CUL9: variants seen among roughly 807,000 people sequenced by gnomAD.
CUL9 encodes the protein cullin 9.
Under a neutral mutation model 272.6 loss-of-function variants are expected in CUL9, and 79 were observed. The ratio of observed to expected loss-of-function variants is 0.29; its 90% CI spans 0.24 to 0.35. The LOEUF (loss-of-function observed/expected upper bound fraction) is 0.35. CUL9 is among the 10% of genes least tolerant of loss of function. The pLI, the probability that CUL9 is intolerant of heterozygous loss-of-function variation, is 1.00. For missense variants in CUL9, 2,532 were observed against 3,255.6 expected, an observed-to-expected ratio of 0.78 and a Z score of 5.41; for synonymous variants, 1,186 against 1,286.5, an observed-to-expected ratio of 0.92 and a Z score of 1.67.
chr6:43,186,570 T>TGA, intron 4 of CUL9, 115 bp downstream of exon 4: 5 of 1,409,204 alleles, frequency 3.5e-6, no homozygotes, highest in Non-Finnish European at 3.8e-6. Context: ...CCTGGGGAAT[T>TGA]GGAATGATAC....
At position 43,200,281 on chromosome 6, in the gene CUL9, T is replaced by A; in HGVS notation, c.3384+125T>A. The A allele has an allele frequency of 2.7e-6, 4 of 1,469,424 alleles. No individual in the cohort carries two copies. The East Asian group carries it at 7.1e-5, about 26-fold the overall frequency. The allele number at this position is 1,469,424 out of a possible 1,614,324, so 91.0% of individuals were successfully genotyped here. A position where few individuals can be genotyped will look rare whatever the true frequency, so the allele number is the denominator to read the frequency against. On this transcript the variant is annotated intron_variant, in intron 14 of 40. Transcript: ENST00000252050. The surrounding 1 kb of genome is among the most constrained non-coding windows in gnomAD (Gnocchi z 4.0). The stretch of plus-strand genomic sequence containing the variant: ...TTGTAGCAAATCTGGGGCACTTGTT[T>A]CCTAACCTTGACTCCACATGGTTCT...
chr6:43,223,438 G>T lies in CUL9; in HGVS notation c.7284+41G>T. On this transcript the variant is annotated intron_variant, in intron 39 of 40. Coordinates refer to ENST00000252050, the MANE Select transcript of CUL9 (RefSeq NM_015089.4). This position sits in a 1 kb window ranked among gnomAD's most constrained non-coding sequence, Gnocchi z 4.1. ...GACCCCTTCTGCTCCTGCATTCTGC[G>T]GGAGTTGAGGTCCTCCTGTCCCAGC... 6.5e-7 allele frequency: 1 copy of T among 1,548,466 alleles called. No individual in the cohort carries two copies.
At position 43,200,096 on chromosome 6, in the gene CUL9, T is replaced by C; in HGVS notation, c.3324T>C (p.Cys1108=). ...GCELRDLVTE[C]EKYAQLYSNL... Reference sequence around the variant, plus strand: ...AGCTTCGGGACCTGGTGACAGAGTGTGAGAAGTACGCACAGCTCTATAGCA... The same window carrying C: ...AGCTTCGGGACCTGGTGACAGAGTGCGAGAAGTACGCACAGCTCTATAGCA... The change falls in exon 14 of 41, where the codon TGT becomes TGC. Residue 1108 remains cysteine (C), a synonymous_variant. Transcript: ENST00000252050. The surrounding 1 kb of genome is among the most constrained non-coding windows in gnomAD (Gnocchi z 4.0). 2 of 1,614,148 alleles carry C rather than the reference T, an allele frequency of 1.2e-6. No individual in the cohort carries two copies. The highest frequency in any genetic ancestry group is 1.7e-6 in the Non-Finnish European group (2 of 1,180,018).
chr6:43,213,254 C>T lies in CUL9; in HGVS notation c.5318C>T (p.Thr1773Ile). Reference protein sequence around the residue: ...QFGKQILHVSTVQMWLLLKFN... With the variant: ...QFGKQILHVSIVQMWLLLKFN... ...GGGAAGCAGATACTGCATGTGTCCA[C>T]CGTGCAGATGTGGCTGCTGCTGAAA... is the stretch of plus-strand genomic sequence containing the variant. The change falls in exon 27 of 41, where the codon ACC becomes ATC. Residue 1773 changes from threonine to isoleucine, a missense_variant. Coordinates refer to ENST00000252050, the MANE Select transcript of CUL9 (RefSeq NM_015089.4). The surrounding 1 kb of genome is among the most constrained non-coding windows in gnomAD (Gnocchi z 5.7). 6.2e-7 allele frequency: 1 copy of T among 1,613,284 alleles called. No homozygotes were observed. Among genetic ancestry groups the T allele is most frequent in the Non-Finnish European group, 8.5e-7 (1 of 1,179,810 alleles).
chr6:43,212,448 CACTA>C (rs74400052), intron 26 of CUL9, among the ~76,000 whole-genome samples: 9,449 of 152,248 alleles, frequency 0.062, 338 homozygotes, highest in Middle Eastern at 0.11. Context: ...GAAACCCTTT[CACTA>C]ACTGTTTATC....
Position 43,217,064 on chromosome 6 carries a change from T to A in CUL9, c.6282+561T>A, listed in dbSNP as rs184204033. On this transcript the variant is annotated intron_variant, in intron 31 of 40. Coordinates refer to ENST00000252050, the MANE Select transcript of CUL9 (RefSeq NM_015089.4). ...TACTCTCATTTAATACAAAAATTTTTAAAAATAGGCCTGGTGAGGTAGTGT... is the reference window on the plus strand; with the variant it reads ...TACTCTCATTTAATACAAAAATTTTAAAAAATAGGCCTGGTGAGGTAGTGT... 5.0e-3 allele frequency among the ~76,000 whole-genome samples: 755 copies of A among 152,148 alleles called. 4 individuals are homozygous for A. Among genetic ancestry groups the A allele is most frequent in the Middle Eastern group, 0.017 (5 of 294 alleles).
At chr6:43,210,208 A>T (rs1775365313) in intron 26 of CUL9, among the ~76,000 whole-genome samples, 1 of 151,988 alleles carries the variant, frequency 6.6e-6, no homozygotes, top group Non-Finnish European at 1.5e-5. Context: ...CGAACTCCTG[A>T]CCTTGTGAAC....
At chr6:43,204,709 C>T in intron 21 of CUL9, 39 bp from the exon 22 acceptor site, 1 of 1,604,952 alleles carries the variant, frequency 6.2e-7, no homozygotes, top group Non-Finnish European at 8.5e-7. Context: ...CACCCAGAGG[C>T]TGAGATGAAA....
At chr6:43,222,189 ATGAGGAC>A in intron 35 of CUL9, 120 bp from the exon 36 acceptor site, 4 of 763,158 alleles carry the variant, frequency 5.2e-6, no homozygotes, top group Non-Finnish European at 9.3e-6. Flanking sequence ...CCACACAGTC[ATGAGGAC>A]TGAATGAAGA....
rs767912658 is a variant in CUL9 at position 43,196,800 on chromosome 6, G to A, written c.2741G>A (p.Arg914His). The part of the protein sequence containing the change: ...APRTEPMPTT[R>H]TILMMLLNRY... ...AGAACAGAACCTATGCCTACCACAC[G>A]CACCATCCTCATGATGCTTCTCAAT... Residue 914 changes from arginine (R) to histidine (H), a missense_variant, in exon 11 of 41, where the codon CGC (arginine) becomes CAC (histidine). Physicochemically the swap from Arg to His is conservative, Grantham distance 29. Coordinates refer to ENST00000252050, the MANE Select transcript of CUL9 (RefSeq NM_015089.4). 8 of 1,614,134 alleles carry A rather than the reference G, an allele frequency of 5.0e-6. No homozygotes were observed. The highest frequency in any genetic ancestry group is 5.1e-6 in the Non-Finnish European group (6 of 1,180,040).
Position 43,199,436 on chromosome 6 carries a change from G to T in CUL9, c.3156+65G>T. On this transcript the variant is annotated intron_variant, in intron 13 of 40. Transcript: ENST00000252050. The surrounding 1 kb of genome is among the most constrained non-coding windows in gnomAD (Gnocchi z 4.4). ...CATCTGGGGCACCAACTCCTTGTGA[G>T]GCTCTGGAGGGCACAGCAGAGCCTT... 8.1e-7 allele frequency: 1 copy of T among 1,238,436 alleles called. No individual in the cohort carries two copies. Among genetic ancestry groups the T allele is most frequent in the Non-Finnish European group, 1.2e-6 (1 of 841,988 alleles). The allele number at this position is 1,238,436 out of a possible 1,614,324, so 76.7% of individuals were successfully genotyped here. A position where few individuals can be genotyped will look rare whatever the true frequency, so the allele number is the denominator to read the frequency against.
chr6:43,223,871 G>A lies in CUL9; in HGVS notation c.7285-224G>A. Reference sequence around the variant, plus strand: ...CATGGGCAGAAAAGACATAGATTCTGTAAGCTCTTTAAGCACAGGGTCGTG... The same window carrying A: ...CATGGGCAGAAAAGACATAGATTCTATAAGCTCTTTAAGCACAGGGTCGTG... On this transcript the variant is annotated intron_variant, in intron 39 of 40. Transcript: ENST00000252050. The surrounding 1 kb of genome is among the most constrained non-coding windows in gnomAD (Gnocchi z 4.1). 3 of 584,328 alleles carry A rather than the reference G, an allele frequency of 5.1e-6. No homozygotes were observed. Among genetic ancestry groups the A allele is most frequent in the Non-Finnish European group, 9.2e-6 (3 of 326,842 alleles). The allele number at this position is 584,328 out of a possible 1,614,324, so 36.2% of individuals were successfully genotyped here. A position where few individuals can be genotyped will look rare whatever the true frequency, so the allele number is the denominator to read the frequency against.
At chr6:43,192,951 C>A in intron 8 of CUL9, 50 bp from the exon 9 acceptor site, 1 of 1,556,600 alleles carries the variant, frequency 6.4e-7, no homozygotes, top group Non-Finnish European at 8.9e-7. Context: ...GCTGGGAGGT[C>A]AGGCAAGACT....
rs1582292683 is a variant in CUL9 at position 43,188,070 on chromosome 6, G to C, written c.1939G>C (p.Val647Leu). Residue 647 changes from valine (V) to leucine (L), a missense_variant, in exon 7 of 41, where the codon GTG (valine) becomes CTG (leucine). Val to Leu is a conservative substitution (Grantham distance 32, BLOSUM62 1). Transcript: ENST00000252050. ...TTCTCAGCTGTTTAACCAGCTTCTG[G>C]TGACTGAGGGGATGACCCTGCCCAC... is the stretch of plus-strand genomic sequence containing the variant. ...SDSQLFNQLL[V>L]TEGMTLPTEM... 1 of 1,613,922 alleles carries C rather than the reference G, an allele frequency of 6.2e-7. No homozygotes were observed. The highest frequency in any genetic ancestry group is 2.2e-5 in the East Asian group (1 of 44,880).
chr6:43,216,558 A>C, intron 31 of CUL9, 55 bp downstream of exon 31: 1 of 1,480,366 alleles, frequency 6.8e-7, no homozygotes, highest in Non-Finnish European at 9.1e-7. Flanking sequence ...ACCCTAACAA[A>C]ATTCCTTGGG....
Position 43,220,520 on chromosome 6 carries a change from G to T in CUL9, c.6344G>T (p.Cys2115Phe). ...IEQNLVLNCT[C>F]PIADCPAQPT... Reference sequence around the variant, plus strand: ...CAGAACCTTGTTTTGAATTGCACCTGCCCCATTGCCGACTGCCCCGCCCAG... The same window carrying T: ...CAGAACCTTGTTTTGAATTGCACCTTCCCCATTGCCGACTGCCCCGCCCAG... The change falls in exon 32 of 41, where the codon TGC (cysteine) becomes TTC (phenylalanine). Residue 2115 changes from cysteine to phenylalanine, a missense_variant. By Grantham distance (205) the Cys-to-Phe change is radical. This residue lies in a region of CUL9 where 2,218 missense variants were observed against 2,788.6 expected (regional missense o/e 0.80). Coordinates refer to ENST00000252050, the MANE Select transcript of CUL9 (RefSeq NM_015089.4). This position sits in a 1 kb window ranked among gnomAD's most constrained non-coding sequence, Gnocchi z 4.9. 6.2e-7 allele frequency: 1 copy of T among 1,614,070 alleles called. No individual in the cohort carries two copies. Among genetic ancestry groups the T allele is most frequent in the Non-Finnish European group, 8.5e-7 (1 of 1,179,992 alleles).
At chr6:43,216,706 G>C (rs764306718) in intron 31 of CUL9, among the ~76,000 whole-genome samples, 6 of 152,174 alleles carry the variant, frequency 3.9e-5, no homozygotes, top group Non-Finnish European at 8.8e-5. Flanking sequence ...GTGGTGGTTG[G>C]GATCCAGCGA....
rs542730922 is a variant in CUL9, at chr6:43,224,361, C to T, written c.7470C>T (p.Phe2490=). Reference sequence around the variant, plus strand: ...ATGAGGAGCTGGACAATGACAGCTTCTCCTACGATGAGTCTGAGAACCTGG... The same window carrying T: ...ATGAGGAGCTGGACAATGACAGCTTTTCCTACGATGAGTCTGAGAACCTGG... ...EFDEELDNDS[F]SYDESENLDQ... The change falls in exon 41 of 41, where the codon TTC becomes TTT. Residue 2490 remains phenylalanine (F), a synonymous_variant. Coordinates refer to ENST00000252050, the MANE Select transcript of CUL9 (RefSeq NM_015089.4). This position sits in a 1 kb window ranked among gnomAD's most constrained non-coding sequence, Gnocchi z 4.2. 1 of 1,614,230 alleles carries T rather than the reference C, an allele frequency of 6.2e-7. No individual in the cohort carries two copies. Among genetic ancestry groups the T allele is most frequent in the South Asian group, 1.1e-5 (1 of 91,082 alleles).
rs1277400391 is a variant in CUL9 at position 43,185,503 on chromosome 6, G to A, written c.643G>A (p.Glu215Lys). Residue 215 changes from glutamate (E) to lysine (K), a missense_variant, in exon 3 of 41, where the codon GAG becomes AAG. Transcript: ENST00000252050. ...LLSLSQQDGIEQHMDFDSRYT... is the reference protein window; with the variant it reads ...LLSLSQQDGIKQHMDFDSRYT... ...ATCACTGAGCCAGCAAGATGGCATC[G>A]AGCAGCACATGGATTTTGACAGTCG... is the stretch of plus-strand genomic sequence containing the variant. 1 of 1,613,996 alleles carries A rather than the reference G, an allele frequency of 6.2e-7. No homozygotes were observed. Among genetic ancestry groups the A allele is most frequent in the South Asian group, 1.1e-5 (1 of 91,084 alleles).
Sources: gnomAD v4.1 joint callset for allele counts (sites outside exome capture counted in the v4.1 genomes callset) on GRCh38, gnomAD v4.1.1 for gene constraint, gnomAD v4.1.1 regional missense constraint, Gnocchi (gnomAD v3.1) non-coding constraint, MANE v1.5 for transcripts, NCBI Gene and HGNC (gene_info 2026-07-23, HGNC 2026-07-21) for gene names.